PDE1C: variants seen among roughly 807,000 people sequenced by gnomAD.
PDE1C encodes the protein phosphodiesterase 1C.
Under a neutral mutation model 93.1 loss-of-function variants are expected in PDE1C, and 62 were observed. The observed-to-expected ratio is 0.67, with a 90% confidence interval of 0.54 to 0.82. The LOEUF is 0.82. Ranked by LOEUF, PDE1C falls within the 40% of genes least tolerant of loss-of-function variation. The pLI, the probability that PDE1C is intolerant of heterozygous loss-of-function variation, is 0.00. For missense variants in PDE1C, 742 were observed against 884.6 expected, an observed-to-expected ratio of 0.84 and a Z score of 2.04; for synonymous variants, 325 against 310.1, an observed-to-expected ratio of 1.05 and a Z score of -0.50.
intron 1 of PDE1C, among the ~76,000 whole-genome samples, chr7:32,240,424 A>G (rs1185877209): frequency 6.6e-6 from 1 of 152,246 alleles, no homozygotes; most frequent in African/African-American, 2.4e-5. Context: ...GGAAAGGCAG[A>G]AAACAAACAG....
chr7:32,275,847 G>T (rs1364389491), intron 1 of PDE1C, among the ~76,000 whole-genome samples: 1 of 152,150 alleles, frequency 6.6e-6, no homozygotes, highest in Non-Finnish European at 1.5e-5. Context: ...TTAACTGAAT[G>T]TCTAAGACAA....
intron 2 of PDE1C, among the ~76,000 whole-genome samples, chr7:31,978,067 G>A (rs560511258): frequency 2.0e-5 from 3 of 152,198 alleles, no homozygotes; most frequent in East Asian, 1.9e-4. Context: ...CTGATCATTC[G>A]CAGAGCCAGG....
chr7:32,270,261 T>C (rs971804156), intron 1 of PDE1C, among the ~76,000 whole-genome samples: 1 of 151,924 alleles, frequency 6.6e-6, no homozygotes, highest in Non-Finnish European at 1.5e-5. Context: ...TATTTTTCTT[T>C]TGGCGCAACT....
At chr7:32,009,855 A>G (rs947623992) in intron 2 of PDE1C, among the ~76,000 whole-genome samples, 10 of 152,242 alleles carry the variant, frequency 6.6e-5, no homozygotes, top group African/African-American at 2.4e-4. Context: ...ATATGAGATC[A>G]TTATATAAAA....
At chr7:32,154,121 T>C (rs887302717) in intron 3 of PDE1C, among the ~76,000 whole-genome samples, 4 of 152,218 alleles carry the variant, frequency 2.6e-5, no homozygotes, top group African/African-American at 9.6e-5. Context: ...TAGCCAGGTG[T>C]AGTCACTTGC....
At chr7:31,621,666 A>C in the PDE1C span, among the ~76,000 whole-genome samples, 75 of 147,854 alleles carry the variant, frequency 5.1e-4, no homozygotes, top group Middle Eastern at 3.6e-3. Context: ...CAAAATGTAA[A>C]GACCATCGAG....
the PDE1C span, among the ~76,000 whole-genome samples, chr7:31,695,252 T>C: frequency 3.9e-5 from 6 of 152,192 alleles, no homozygotes; most frequent in Non-Finnish European, 8.8e-5. Context: ...TTCCTTAATT[T>C]GGAGTTTTAC....
At position 32,147,314 on chromosome 7, in the gene PDE1C, A is replaced by AAGAAAGAAAGAAAGAAAG. The variant is rs1554513874; in HGVS notation, c.308+22453_308+22470dup. ...AAAGAAAGAAAGAAAGAAAGAAAGA[A>AAGAAAGAAAGAAAGAAAG]AGAAAGAAAGAAAGAAAGACGCTGT... On this transcript the variant is annotated intron_variant, in intron 3 of 18. Transcript: ENST00000396193. Among the ~76,000 whole-genome samples the AAGAAAGAAAGAAAGAAAG allele has an allele frequency of 3.8e-4, 55 of 144,552 alleles. 1 individual carries two copies. The highest frequency in any genetic ancestry group is 1.2e-3 in the African/African-American group (45 of 36,052). The allele number at this position is 144,552 out of a possible 152,430, so 94.8% of individuals were successfully genotyped here. A position where few individuals can be genotyped will look rare whatever the true frequency, so the allele number is the denominator to read the frequency against.
chr7:32,165,081 G>T (rs1446915854), intron 3 of PDE1C, among the ~76,000 whole-genome samples: 2 of 152,244 alleles, frequency 1.3e-5, no homozygotes, highest in Admixed American at 1.3e-4. Flanking sequence ...AAAAATCTCA[G>T]GTTTTGAAAA....
chr7:31,873,936 C>T (rs911630902), intron 5 of PDE1C, among the ~76,000 whole-genome samples: 1 of 152,182 alleles, frequency 6.6e-6, no homozygotes, highest in African/African-American at 2.4e-5. Flanking sequence ...TGACACTATC[C>T]AATGACTTCC....
the PDE1C span, among the ~76,000 whole-genome samples, chr7:31,735,153 C>G: frequency 4.7e-4 from 71 of 152,314 alleles, no homozygotes; most frequent in Admixed American, 1.5e-3. Flanking sequence ...AATCCCAGCA[C>G]TTTGGGAGGC....
intron 16 of PDE1C, among the ~76,000 whole-genome samples, chr7:31,803,399 TTTA>T (rs70989605): frequency 1.4e-4 from 21 of 150,036 alleles, no homozygotes; most frequent in South Asian, 2.1e-4. Flanking sequence ...GCTTTTTCTT[TTTA>T]TTATTATTAT....
intron 3 of PDE1C, among the ~76,000 whole-genome samples, chr7:32,084,826 C>G (rs1225862832): frequency 2.2e-5 from 3 of 139,450 alleles, no homozygotes; most frequent in African/African-American, 7.9e-5. Context: ...CACAACATAC[C>G]AGAATCTCTG....
intron 2 of PDE1C, among the ~76,000 whole-genome samples, chr7:31,986,323 G>T (rs987767132): frequency 6.6e-6 from 1 of 151,930 alleles, no homozygotes; most frequent in East Asian, 1.9e-4. Context: ...GGCCTCTTCC[G>T]ATCTTGTAAA....
chr7:32,408,496 G>A (rs6949178), intron 1 of PDE1C, among the ~76,000 whole-genome samples: 26,043 of 152,140 alleles, frequency 0.17, 4,669 homozygotes, highest in African/African-American at 0.45. Flanking sequence ...AAATTAAAAG[G>A]GGCATTAAAG....
the PDE1C span, among the ~76,000 whole-genome samples, chr7:31,637,007 T>A: frequency 6.6e-6 from 1 of 151,580 alleles, no homozygotes; most frequent in East Asian, 2.0e-4. Flanking sequence ...ATCCTTGCGA[T>A]AGTTTGCTGA....
chr7:32,187,285 T>C (rs2128818045), intron 2 of PDE1C, among the ~76,000 whole-genome samples: 1 of 152,176 alleles, frequency 6.6e-6, no homozygotes, highest in African/African-American at 2.4e-5. Flanking sequence ...TATGCAGCCA[T>C]GCCTGGCTGA....
upstream of PDE1C, among the ~76,000 whole-genome samples, chr7:32,076,234 C>T (rs1194217493): frequency 6.6e-6 from 1 of 152,054 alleles, no homozygotes; most frequent in Non-Finnish European, 1.5e-5. Flanking sequence ...TTTGATGTGG[C>T]CCCTAGGAAA....
At chr7:31,805,009 T>C (rs936982754) in intron 16 of PDE1C, among the ~76,000 whole-genome samples, 6 of 151,722 alleles carry the variant, frequency 4.0e-5, no homozygotes, top group Non-Finnish European at 8.8e-5. Context: ...AATTGCATTA[T>C]GGGGATGAGT....
Sources: allele counts gnomAD v4.1 joint callset (sites outside exome capture counted in the v4.1 genomes callset), GRCh38; gene constraint gnomAD v4.1.1; transcripts MANE v1.5; gene names NCBI Gene and HGNC (gene_info 2026-07-23, HGNC 2026-07-21).